Variants in ZBTB8A observed in about 807,000 individuals in gnomAD.
ZBTB8A encodes zinc finger and BTB domain-containing protein 8A.
In ZBTB8A, 19 loss-of-function variants were observed where a neutral mutation model predicts 37.8. The observed-to-expected ratio is 0.50, with a 90% CI of 0.35 to 0.74. The LOEUF (loss-of-function observed/expected upper bound fraction) is 0.74. Among genes scored for constraint, ZBTB8A ranks in the 30% least tolerant of loss-of-function variants. ZBTB8A has a pLI of 0.01. For missense variants in ZBTB8A, 394 were observed against 537.8 expected, an observed-to-expected ratio of 0.73 and a Z score of 2.65; for synonymous variants, 181 against 185.2, an observed-to-expected ratio of 0.98 and a Z score of 0.19.
intron 2 of ZBTB8A, among the ~76,000 whole-genome samples, chr1:32,584,472 A>T (rs1360950782): frequency 6.7e-6 from 1 of 149,766 alleles, no homozygotes; most frequent in East Asian, 2.0e-4. Flanking sequence ...AAACTCCTAT[A>T]CTAAACGTCA....
intron 1 of ZBTB8A, among the ~76,000 whole-genome samples, chr1:32,547,365 T>TG (rs1451108356): frequency 1.0e-4 from 15 of 149,004 alleles, no homozygotes; most frequent in Admixed American, 4.0e-4. Context: ...TTTTTTTTTT[T>TG]TTAGTAGAGA....
At chr1:32,568,402 T>C (rs191525825) in intron 2 of ZBTB8A, among the ~76,000 whole-genome samples, 16 of 152,178 alleles carry the variant, frequency 1.1e-4, no homozygotes, top group Admixed American at 7.9e-4. Flanking sequence ...TCTTTTTTTT[T>C]TTGAGATGGA....
At chr1:32,593,781 C>T in intron 3 of ZBTB8A, 27 bp downstream of exon 3, 1 of 1,561,512 alleles carries the variant, frequency 6.4e-7, no homozygotes, top group South Asian at 1.2e-5. Context: ...TAAGTCCCCT[C>T]ATCCAGGTTC....
At chr1:32,551,683 TG>T (rs1440181526) in intron 1 of ZBTB8A, among the ~76,000 whole-genome samples, 1 of 152,182 alleles carries the variant, frequency 6.6e-6, no homozygotes, top group Non-Finnish European at 1.5e-5. Flanking sequence ...CACTTCAGCC[TG>T]GGCAACAAGA....
At chr1:32,564,443 A>C in intron 2 of ZBTB8A, among the ~76,000 whole-genome samples, 1 of 152,342 alleles carries the variant, frequency 6.6e-6, no homozygotes, top group Middle Eastern at 3.4e-3. Flanking sequence ...GTGGAAATGT[A>C]ACACAGATGT....
At position 32,600,149 on chromosome 1, in the gene ZBTB8A, G is replaced by A. The variant is rs771189311; in HGVS notation, c.1056G>A (p.Gly352=). The A allele has an allele frequency of 1.5e-5, 25 of 1,614,176 alleles. No homozygotes were observed. Among genetic ancestry groups the A allele is most frequent in the East Asian group, 2.2e-5 (1 of 44,882 alleles). Residue 352 remains glycine, a synonymous_variant, in exon 5 of 5, where the codon GGG becomes GGA. Transcript: ENST00000373510. ...AACGTCATGTGACAGATCTAACAGG[G>A]CAAGTGGTACAGGAGGGAACCAGGC... is the stretch of plus-strand genomic sequence containing the variant. ...KCKRHVTDLT[G]QVVQEGTRRY...
At chr1:32,579,176 C>T (rs1473631868) in intron 2 of ZBTB8A, among the ~76,000 whole-genome samples, 1 of 152,034 alleles carries the variant, frequency 6.6e-6, no homozygotes, top group African/African-American at 2.4e-5. Context: ...CAGCCAGGCG[C>T]ACTGGCTCAC....
chr1:32,596,196 C>T (rs1370255233), intron 4 of ZBTB8A, among the ~76,000 whole-genome samples: 2 of 151,898 alleles, frequency 1.3e-5, no homozygotes, highest in African/African-American at 2.4e-5. Flanking sequence ...GGTGAAACCC[C>T]GTCTCTACTA....
At chr1:32,596,243 G>A (rs535158953) in intron 4 of ZBTB8A, among the ~76,000 whole-genome samples, 5 of 152,060 alleles carry the variant, frequency 3.3e-5, no homozygotes, top group South Asian at 2.1e-4. Flanking sequence ...GGTGGCGGGC[G>A]CCTGCAATCC....
chr1:32,549,259 C>T (rs954922837), intron 1 of ZBTB8A, among the ~76,000 whole-genome samples: 27 of 151,944 alleles, frequency 1.8e-4, no homozygotes, highest in African/African-American at 5.3e-4. Context: ...TTTGGGAGGC[C>T]GAGGCGGGCG....
intron 2 of ZBTB8A, among the ~76,000 whole-genome samples, chr1:32,566,458 A>G (rs1459232811): frequency 1.3e-5 from 2 of 149,708 alleles, no homozygotes; most frequent in Admixed American, 6.7e-5. Flanking sequence ...CTGGGAAGTC[A>G]AGACTGCAAT....
intron 2 of ZBTB8A, among the ~76,000 whole-genome samples, chr1:32,584,865 G>A (rs1390435526): frequency 6.6e-6 from 1 of 151,722 alleles, no homozygotes; most frequent in Admixed American, 6.6e-5. Flanking sequence ...TTTCCATTCA[G>A]CAAATGACGC....
At position 32,600,163 on chromosome 1, in the gene ZBTB8A, A is replaced by C; in HGVS notation, c.1070A>C (p.Glu357Ala). The change falls in exon 5 of 5, where the codon GAG becomes GCG. Residue 357 changes from glutamate (E) to alanine (A), a missense_variant. This residue lies in a region of ZBTB8A where 42 missense variants were observed against 96.4 expected (regional missense o/e 0.44). Transcript: ENST00000373510. ...VTDLTGQVVQ[E>A]GTRRYRLCNE... ...GATCTAACAGGGCAAGTGGTACAGGAGGGAACCAGGCGCTACAGACTGTGT... is the reference window on the plus strand; with the variant it reads ...GATCTAACAGGGCAAGTGGTACAGGCGGGAACCAGGCGCTACAGACTGTGT... The C allele has an allele frequency of 6.2e-7, 1 of 1,614,228 alleles. No homozygotes were observed. The highest frequency in any genetic ancestry group is 8.5e-7 in the Non-Finnish European group (1 of 1,180,044).
At chr1:32,563,260 C>G (rs537891003) in intron 2 of ZBTB8A, among the ~76,000 whole-genome samples, 1 of 152,224 alleles carries the variant, frequency 6.6e-6, no homozygotes, top group African/African-American at 2.4e-5. Flanking sequence ...AGACCAGGCA[C>G]GATGGCTCAC....
chr1:32,563,711 G>A (rs1644260412), intron 2 of ZBTB8A, among the ~76,000 whole-genome samples: 1 of 152,038 alleles, frequency 6.6e-6, no homozygotes, highest in African/African-American at 2.4e-5. Context: ...GACCTCGGGT[G>A]ATCTGCCCAC....
intron 2 of ZBTB8A, among the ~76,000 whole-genome samples, chr1:32,559,868 G>A (rs1459048141): frequency 6.6e-6 from 1 of 152,086 alleles, no homozygotes; most frequent in African/African-American, 2.4e-5. Context: ...GAAGAGGAAG[G>A]GAGATATGAG....
intron 2 of ZBTB8A, among the ~76,000 whole-genome samples, chr1:32,554,249 T>C (rs1264860081): frequency 6.6e-6 from 1 of 151,060 alleles, no homozygotes; most frequent in African/African-American, 2.4e-5. Context: ...AGATTTTATA[T>C]ATCAGAGAAT....
intron 2 of ZBTB8A, among the ~76,000 whole-genome samples, chr1:32,591,649 A>G (rs1570366727): frequency 6.6e-6 from 1 of 152,028 alleles, no homozygotes; most frequent in African/African-American, 2.4e-5. Context: ...GCAGTGGCTC[A>G]TGCCTGTAAT....
intron 2 of ZBTB8A, among the ~76,000 whole-genome samples, chr1:32,571,352 A>G (rs1229145558): frequency 6.6e-6 from 1 of 152,182 alleles, no homozygotes; most frequent in Non-Finnish European, 1.5e-5. Context: ...GATGGCCTTT[A>G]GCAGCTGAGG....
Sources: gnomAD v4.1 joint callset for allele counts (sites outside exome capture counted in the v4.1 genomes callset) on GRCh38, gnomAD v4.1.1 for gene constraint, gnomAD v4.1.1 regional missense constraint, MANE v1.5 for transcripts, NCBI Gene and HGNC (gene_info 2026-07-23, HGNC 2026-07-21) for gene names.